AMMECR1: variants seen among roughly 807,000 people sequenced by gnomAD.
AMMECR1 encodes the protein nuclear protein AMMECR1.
A neutral mutation model predicts 22.5 loss-of-function variants in AMMECR1; 3 were observed. That is an observed-to-expected ratio of 0.13 (90% CI 0.06 to 0.35). AMMECR1 has a LOEUF of 0.35. Ranked by LOEUF, AMMECR1 falls within the 10% of genes least tolerant of loss-of-function variation. AMMECR1 has a pLI of 1.00. For missense variants in AMMECR1, 235 were observed against 278.7 expected (o/e 0.84, Z 1.12); for synonymous variants, 130 against 116.7 (o/e 1.11, Z -0.74).
chrX:110,324,443 AT>A (rs200102829), intron 2 of AMMECR1, among the ~76,000 whole-genome samples: 1 of 109,567 alleles, frequency 9.1e-6, no homozygotes. Context: ...ATCTGGATGT[AT>A]TTTTTTTTCT....
chrX:110,379,468 G>A (rs1291584182), intron 2 of AMMECR1, among the ~76,000 whole-genome samples: 3 of 112,221 alleles, frequency 2.7e-5, no homozygotes, highest in African/African-American at 6.5e-5. Flanking sequence ...GCCTCTCATG[G>A]CTTTCTGCTC....
At chrX:110,390,199 T>C (rs2068485273) in intron 2 of AMMECR1, among the ~76,000 whole-genome samples, 2 of 111,986 alleles carry the variant, frequency 1.8e-5, no homozygotes, top group South Asian at 3.8e-4. Flanking sequence ...TTATATTTAC[T>C]GAATTCCTAC....
At position 110,383,177 on chromosome X, in the gene AMMECR1, G is replaced by A. The variant is rs995221639; in HGVS notation, c.-148+43481C>T. The stretch of plus-strand genomic sequence containing the variant: ...TAAGATTGCACCCAACCTGATGGTA[G>A]ATTGGAGAAGGCTATCTGTCCCTTT... On this transcript the variant is annotated intron_variant, in intron 2 of 7. Transcript: ENST00000372057. Among the ~76,000 whole-genome samples, 36 of 111,697 alleles carry A rather than the reference G, an allele frequency of 3.2e-4. No homozygotes were observed. The Admixed American group carries it at 3.3e-3, about 10-fold the overall frequency.
intron 2 of AMMECR1, among the ~76,000 whole-genome samples, chrX:110,423,503 G>A (rs764707299): frequency 8.9e-6 from 1 of 111,813 alleles, no homozygotes; most frequent in East Asian, 2.8e-4. Flanking sequence ...TCACACTAGA[G>A]CCAAGAGTGA....
chrX:110,240,945 T>G (rs2067629044), intron 2 of AMMECR1, among the ~76,000 whole-genome samples: 1 of 111,688 alleles, frequency 9.0e-6, no homozygotes, highest in South Asian at 3.7e-4. Flanking sequence ...TACAACTACA[T>G]GGAAACTGAA....
chrX:110,217,225 A>T (rs2067477933), intron 2 of AMMECR1, among the ~76,000 whole-genome samples: 1 of 109,798 alleles, frequency 9.1e-6, no homozygotes, highest in African/African-American at 3.3e-5. Flanking sequence ...AGAAATAATC[A>T]TGCAAATTAT....
chrX:110,433,563 T>C (rs776923920), intron 1 of AMMECR1, among the ~76,000 whole-genome samples: 8 of 111,766 alleles, frequency 7.2e-5, no homozygotes, highest in Non-Finnish European at 1.3e-4. Flanking sequence ...TATACATAGG[T>C]CATTTGTATT....
intron 1 of AMMECR1, among the ~76,000 whole-genome samples, chrX:110,297,621 A>T (rs1430474894): frequency 9.0e-6 from 1 of 110,952 alleles, no homozygotes; most frequent in African/African-American, 3.3e-5. Context: ...TTGAATAAAC[A>T]CTCCTCAGGT....
intron 2 of AMMECR1, among the ~76,000 whole-genome samples, chrX:110,256,125 T>C (rs2067709825): frequency 8.9e-6 from 1 of 112,036 alleles, no homozygotes; most frequent in Non-Finnish European, 1.9e-5. Flanking sequence ...ATAGATGGTA[T>C]AGTCTACAAC....
intron 3 of AMMECR1, among the ~76,000 whole-genome samples, chrX:110,208,848 C>T (rs1042991787): frequency 1.8e-5 from 2 of 111,558 alleles, no homozygotes; most frequent in African/African-American, 6.5e-5. Context: ...CCCCAATTCT[C>T]TGTAATGATT....
At chrX:110,223,308 A>C (rs2067514076) in intron 2 of AMMECR1, among the ~76,000 whole-genome samples, 1 of 112,608 alleles carries the variant, frequency 8.9e-6, no homozygotes, top group Non-Finnish European at 1.9e-5. Context: ...ATTTTTGTTT[A>C]AATTATGTTT....
intron 2 of AMMECR1, among the ~76,000 whole-genome samples, chrX:110,326,460 G>A (rs371804975): frequency 9.0e-6 from 1 of 111,310 alleles, no homozygotes; most frequent in Non-Finnish European, 1.9e-5. Flanking sequence ...TTCATTCCAC[G>A]GTGGTAGATA....
At chrX:110,383,161 A>C (rs1412965185) in intron 2 of AMMECR1, among the ~76,000 whole-genome samples, 1 of 111,457 alleles carries the variant, frequency 9.0e-6, no homozygotes, top group African/African-American at 3.3e-5. Flanking sequence ...TTAAGATTGC[A>C]CCCAACCTGA....
At chrX:110,404,680 C>T (rs758217048) in intron 2 of AMMECR1, among the ~76,000 whole-genome samples, 53 of 111,581 alleles carry the variant, frequency 4.7e-4, no homozygotes, top group Non-Finnish European at 9.6e-4. Flanking sequence ...GCATCATGTG[C>T]CTTTTCTCTC....
At chrX:110,436,696 G>C (rs2068841295) in intron 1 of AMMECR1, among the ~76,000 whole-genome samples, 1 of 111,712 alleles carries the variant, frequency 9.0e-6, no homozygotes, top group African/African-American at 3.3e-5. Context: ...GAGAGGATGG[G>C]GAGGGACAGA....
At chrX:110,233,689 A>G (rs1183069728) in intron 2 of AMMECR1, among the ~76,000 whole-genome samples, 1 of 112,481 alleles carries the variant, frequency 8.9e-6, no homozygotes, top group South Asian at 3.7e-4. Context: ...ATGCAAATCA[A>G]TAAACGTAAT....
chrX:110,222,819 A>C (rs919226283), intron 2 of AMMECR1, among the ~76,000 whole-genome samples: 4 of 110,391 alleles, frequency 3.6e-5, no homozygotes, highest in Admixed American at 2.9e-4. Flanking sequence ...GAGAGAGGAG[A>C]GGGAGATAAA....
At chrX:110,270,012 C>T (rs2067790531) in intron 1 of AMMECR1, among the ~76,000 whole-genome samples, 1 of 111,552 alleles carries the variant, frequency 9.0e-6, no homozygotes. Flanking sequence ...GGCTTTAAGG[C>T]TGCTATACGG....
At chrX:110,410,083 C>G (rs1285961742) in intron 2 of AMMECR1, among the ~76,000 whole-genome samples, 1 of 111,732 alleles carries the variant, frequency 8.9e-6, no homozygotes, top group Non-Finnish European at 1.9e-5. Flanking sequence ...TTAGGGAAAC[C>G]ACTCAGACTG....
Sources: gnomAD v4.1 joint callset for allele counts (sites outside exome capture counted in the v4.1 genomes callset) on GRCh38, gnomAD v4.1.1 for gene constraint, MANE v1.5 for transcripts, NCBI Gene and HGNC (gene_info 2026-07-23, HGNC 2026-07-21) for gene names.